Variants in TMEM30A observed in about 807,000 individuals in gnomAD.
TMEM30A encodes the protein cell division cycle 50 P4-ATPase accessory subunit A, also known as cell cycle control protein 50A.
Under a neutral mutation model 38.2 loss-of-function variants are expected in TMEM30A, and 24 were observed. That is an observed-to-expected ratio of 0.63 (90% CI 0.46 to 0.88). The LOEUF (loss-of-function observed/expected upper bound fraction) is 0.88, where lower values mean the gene tolerates loss of function less well. Among genes scored for constraint, TMEM30A ranks in the 40% least tolerant of loss-of-function variants. The pLI, the probability that TMEM30A is intolerant of heterozygous loss-of-function variation, is 0.00. For synonymous variants in TMEM30A, 145 were observed against 161.6 expected (o/e 0.90, Z 0.78); for missense variants, 370 against 458.6 (o/e 0.81, Z 1.77).
At chr6:75,263,439 T>C (rs1353837487) in intron 3 of TMEM30A, among the ~76,000 whole-genome samples, 1 of 152,148 alleles carries the variant, frequency 6.6e-6, no homozygotes, top group Non-Finnish European at 1.5e-5. Flanking sequence ...AGGAGCAGGA[T>C]TGGATGATGT....
At chr6:75,281,647 T>C (rs1240994790) in intron 1 of TMEM30A, among the ~76,000 whole-genome samples, 1 of 152,276 alleles carries the variant, frequency 6.6e-6, no homozygotes, top group South Asian at 2.1e-4. Context: ...ATCCAGTGAT[T>C]TTATACTTGA....
At chr6:75,280,620 G>C (rs973065314) in intron 1 of TMEM30A, among the ~76,000 whole-genome samples, 14 of 151,998 alleles carry the variant, frequency 9.2e-5, no homozygotes, top group Non-Finnish European at 1.8e-4. Flanking sequence ...ATGTTCCTGG[G>C]CCACGCAAAA....
rs1397968455 is a variant in TMEM30A, at chr6:75,253,054, A to G, written c.*3048T>C. The G allele has an allele frequency of 6.6e-6, 1 of 152,100 alleles. No individual in the cohort carries two copies. The highest frequency in any genetic ancestry group is 1.5e-5 in the Non-Finnish European group (1 of 68,004). 9.4% of individuals were successfully genotyped at this position (152,100 alleles called of 1,614,324 possible). ...CACTTTACTAGATCATCCAAACCCT[A>G]CAATAGACACTTATGCATCAAAATT... is the stretch of plus-strand genomic sequence containing the variant. On this transcript the variant is annotated 3_prime_UTR_variant, in exon 7 of 7. Coordinates refer to ENST00000230461, the MANE Select transcript of TMEM30A (RefSeq NM_018247.4).
rs55840614 is a variant in TMEM30A at position 75,275,869 on chromosome 6, T to C, written c.238-8121A>G. On this transcript the variant is annotated intron_variant, in intron 1 of 6. Transcript: ENST00000230461. ...CTCTGAGTGATGAGTGTCTTTCATA[T>C]GCTAATGATACAATTGGTGGTTGGT... Among the ~76,000 whole-genome samples, 975 of 152,294 alleles carry C rather than the reference T, an allele frequency of 6.4e-3. 9 individuals are homozygous for C. The highest frequency in any genetic ancestry group is 0.022 in the African/African-American group (934 of 41,560).
intron 2 of TMEM30A, 33 bp downstream of exon 2, chr6:75,267,608 G>T: frequency 6.7e-7 from 1 of 1,489,624 alleles, no homozygotes; most frequent in Non-Finnish European, 9.3e-7. Flanking sequence ...TTTAAAGCAT[G>T]GCTTTTCTAG....
chr6:75,268,472 C>T (rs1772104108), intron 1 of TMEM30A, among the ~76,000 whole-genome samples: 2 of 152,212 alleles, frequency 1.3e-5, no homozygotes, highest in South Asian at 4.1e-4. Flanking sequence ...ATCAAGCCTA[C>T]ATCATGAAGT....
intron 3 of TMEM30A, among the ~76,000 whole-genome samples, chr6:75,263,427 A>G (rs772478109): frequency 6.6e-6 from 1 of 152,230 alleles, no homozygotes; most frequent in Non-Finnish European, 1.5e-5. Flanking sequence ...AATGGCCTGG[A>G]AAGGAGCAGG....
At chr6:75,274,294 G>A (rs1365564105) in intron 1 of TMEM30A, among the ~76,000 whole-genome samples, 1 of 152,174 alleles carries the variant, frequency 6.6e-6, no homozygotes, top group African/African-American at 2.4e-5. Context: ...GATGTGGCTA[G>A]AAAAGCAGAA....
intron 5 of TMEM30A, 80 bp from the exon 6 acceptor site, chr6:75,259,066 G>T: frequency 5.7e-6 from 7 of 1,236,846 alleles, no homozygotes; most frequent in Non-Finnish European, 7.9e-6. Context: ...AATAAATTTG[G>T]ATAATAAATA....
At chr6:75,284,345 C>G in intron 1 of TMEM30A, 57 bp downstream of exon 1, 3 of 1,522,566 alleles carry the variant, frequency 2.0e-6, no homozygotes, top group Non-Finnish European at 2.7e-6. Context: ...GTGGAGTGGG[C>G]GCGTAGGACC....
rs371425819 is a variant in TMEM30A at position 75,258,803 on chromosome 6, C to T, written c.869G>A (p.Arg290Gln). 91 of 1,613,692 alleles carry T rather than the reference C, an allele frequency of 5.6e-5. No homozygotes were observed. The highest frequency in any genetic ancestry group is 1.6e-4 in the Middle Eastern group (1 of 6,072). Reference protein sequence around the residue: ...SDLHPTLPAGRYSLNVTYNYP... With the variant: ...SDLHPTLPAGQYSLNVTYNYP... ...ACTGTATGTGACATTCAAAGAGTAT[C>T]GGCCAGCTGGTAATGTTGGATGTAA... The change falls in exon 6 of 7, where the codon CGA becomes CAA. Residue 290 changes from arginine (R) to glutamine (Q), a missense_variant. Arg to Gln is a conservative substitution (Grantham distance 43, BLOSUM62 1). Coordinates refer to ENST00000230461, the MANE Select transcript of TMEM30A (RefSeq NM_018247.4).
At position 75,254,707 on chromosome 6, in the gene TMEM30A, C is replaced by T. The variant is rs1187086502; in HGVS notation, c.*1395G>A. On this transcript the variant is annotated 3_prime_UTR_variant, in exon 7 of 7. Coordinates refer to ENST00000230461, the MANE Select transcript of TMEM30A (RefSeq NM_018247.4). ...CTCTGAGTAAACAGGCATTCTTCTA[C>T]ACAAACATGAGTTATTTCAGTAAAA... 1 of 152,318 alleles carries T rather than the reference C, an allele frequency of 6.6e-6. No individual in the cohort carries two copies. The highest frequency in any genetic ancestry group is 1.5e-5 in the Non-Finnish European group (1 of 67,940). 9.4% of individuals were successfully genotyped at this position (152,318 alleles called of 1,614,324 possible). A position where few individuals can be genotyped will look rare whatever the true frequency, so the allele number is the denominator to read the frequency against.
chr6:75,263,288 G>C (rs1244147678), intron 3 of TMEM30A, among the ~76,000 whole-genome samples: 4 of 152,198 alleles, frequency 2.6e-5, no homozygotes, highest in African/African-American at 9.7e-5. Context: ...TATGTGATGA[G>C]ATAAGAGGAT....
chr6:75,265,403 G>C, intron 2 of TMEM30A, 65 bp from the exon 3 acceptor site: 1 of 899,768 alleles, frequency 1.1e-6, no homozygotes, highest in Non-Finnish European at 1.6e-6. Flanking sequence ...TATTTCATGT[G>C]TACATAAAAG....
At chr6:75,283,132 T>C (rs927301318) in intron 1 of TMEM30A, among the ~76,000 whole-genome samples, 4 of 152,238 alleles carry the variant, frequency 2.6e-5, no homozygotes, top group Non-Finnish European at 5.9e-5. Context: ...ATTCTATAGA[T>C]ACTATTCTTA....
chr6:75,280,519 A>G (rs1772339425), intron 1 of TMEM30A, among the ~76,000 whole-genome samples: 1 of 152,190 alleles, frequency 6.6e-6, no homozygotes, highest in African/African-American at 2.4e-5. Context: ...AATGAGAAGA[A>G]TGGAAATTTT....
chr6:75,260,836 T>C lies in TMEM30A; in HGVS notation c.529A>G (p.Ser177Gly). ...ATCTATATCATACCATTAAACATGCTGTTGGCAATAGCTCCACAAGGAGCA... is the reference window on the plus strand; with the variant it reads ...ATCTATATCATACCATTAAACATGCCGTTGGCAATAGCTCCACAAGGAGCA... Reference protein sequence around the residue: ...PIAPCGAIANSMFNDTLELFL... With the variant: ...PIAPCGAIANGMFNDTLELFL... The change falls in exon 4 of 7, where the codon AGC (serine) becomes GGC (glycine). Residue 177 changes from serine (S) to glycine (G), a missense_variant. Transcript: ENST00000230461. The C allele has an allele frequency of 2.5e-6, 4 of 1,591,436 alleles. No homozygotes were observed. The highest frequency in any genetic ancestry group is 3.4e-6 in the Non-Finnish European group (4 of 1,172,818).
At chr6:75,259,320 T>C (rs1582274564) in intron 5 of TMEM30A, 27 bp downstream of exon 5, 1 of 1,581,740 alleles carries the variant, frequency 6.3e-7, no homozygotes. Flanking sequence ...TAGTTTAATT[T>C]TTTAAGGGAT....
intron 1 of TMEM30A, among the ~76,000 whole-genome samples, chr6:75,278,852 CGTT>C (rs1262264371): frequency 6.6e-6 from 1 of 152,090 alleles, no homozygotes; most frequent in East Asian, 1.9e-4. Flanking sequence ...GCCACTAGAT[CGTT>C]GTTCATATTA....
Sources: gnomAD v4.1 joint callset for allele counts (sites outside exome capture counted in the v4.1 genomes callset) on GRCh38, gnomAD v4.1.1 for gene constraint, MANE v1.5 for transcripts, NCBI Gene and HGNC (gene_info 2026-07-23, HGNC 2026-07-21) for gene names.